The following PKHD1 variants were observed in gnomAD, a reference collection of about 807,000 sequenced individuals.
PKHD1 encodes PKHD1 ciliary IPT domain containing fibrocystin/polyductin, also known as fibrocystin.
In PKHD1, 291 loss-of-function variants were observed where a neutral mutation model predicts 412.0. That is an observed-to-expected ratio of 0.71 (90% CI 0.64 to 0.78). The LOEUF (loss-of-function observed/expected upper bound fraction) is 0.78, where lower values mean the gene tolerates loss of function less well. Ranked by LOEUF, PKHD1 falls within the 30% of genes least tolerant of loss-of-function variation. PKHD1 has a pLI of 0.00. For synonymous variants in PKHD1, 1,777 were observed against 1,821.5 expected (o/e 0.98, Z 0.62); for missense variants, 4,825 against 4,950.7 (o/e 0.97, Z 0.76).
intron 35 of PKHD1, among the ~76,000 whole-genome samples, chr6:51,978,073 A>G (rs1252674709): frequency 2.0e-5 from 3 of 152,286 alleles, no homozygotes; most frequent in East Asian, 1.9e-4. Flanking sequence ...AGAAAATCCC[A>G]TAAGAGAGAG....
chr6:51,717,555 G>C (rs1488900588), intron 60 of PKHD1, among the ~76,000 whole-genome samples: 3 of 152,174 alleles, frequency 2.0e-5, no homozygotes, highest in Non-Finnish European at 4.4e-5. Context: ...ATTCAGTACA[G>C]TAATATGCTG....
rs1414799722 is a variant in PKHD1 at position 52,085,029 on chromosome 6, CA to C, written c.-84-13del. On this transcript the variant is annotated splice_polypyrimidine_tract_variant and intron_variant, in intron 1 of 66. Transcript: ENST00000371117. Reference sequence around the variant, plus strand: ...GCATAGCTTTTGTGCTTTATAAAAACAAAAAAAGCAAAAAAAAATTATCATT... The same window carrying C: ...GCATAGCTTTTGTGCTTTATAAAAACAAAAAAGCAAAAAAAAATTATCATT... 8.6e-6 allele frequency: 7 copies of C among 815,666 alleles called. No individual in the cohort carries two copies. In the East Asian group the frequency reaches 9.8e-5, roughly 11 times the overall value. 50.5% of individuals were successfully genotyped at this position (815,666 alleles called of 1,614,324 possible).
intron 49 of PKHD1, 25 bp downstream of exon 49, chr6:51,855,868 C>A (rs1031903430): frequency 6.4e-7 from 1 of 1,564,570 alleles, no homozygotes; most frequent in Admixed American, 1.7e-5. Context: ...ATGCAGCATA[C>A]CAACTAATGG....
intron 4 of PKHD1, 69 bp from the exon 5 acceptor site, chr6:52,080,077 C>T (rs1032460631): frequency 3.3e-6 from 3 of 904,152 alleles, no homozygotes; most frequent in Admixed American, 3.4e-5. Flanking sequence ...AGCCCACTTG[C>T]CACTTCAAAT....
At chr6:51,791,452 T>C (rs1283728875) in intron 52 of PKHD1, 79 bp from the exon 53 acceptor site, 10 of 1,333,464 alleles carry the variant, frequency 7.5e-6, no homozygotes, top group African/African-American at 4.3e-5. Flanking sequence ...TCCCAGCAGT[T>C]TGGGAGCTGT....
At chr6:51,887,404 T>C (rs1778388649) in intron 43 of PKHD1, among the ~76,000 whole-genome samples, 159 bp from the exon 44 acceptor site, 1 of 152,246 alleles carries the variant, frequency 6.6e-6, no homozygotes. Flanking sequence ...TTTTTTCCTT[T>C]TGGGAACAAA....
At chr6:51,671,799 A>G (rs192086872) in intron 60 of PKHD1, among the ~76,000 whole-genome samples, 1 of 151,894 alleles carries the variant, frequency 6.6e-6, no homozygotes, top group Non-Finnish European at 1.5e-5. Context: ...CTGTTGGGGT[A>G]CCCGCCCGTG....
intron 54 of PKHD1, among the ~76,000 whole-genome samples, chr6:51,775,035 A>G (rs1790771246): frequency 6.7e-6 from 1 of 150,144 alleles, no homozygotes; most frequent in East Asian, 2.0e-4. Context: ...TAGCTATTGT[A>G]TTGTCACACA....
At chr6:51,628,210 C>T (rs1767516410) in intron 65 of PKHD1, among the ~76,000 whole-genome samples, 2 of 152,088 alleles carry the variant, frequency 1.3e-5, no homozygotes, top group Admixed American at 1.3e-4. Context: ...GGCAGTTTTT[C>T]AACCCTTACC....
intron 60 of PKHD1, among the ~76,000 whole-genome samples, chr6:51,714,332 T>C (rs2150779956): frequency 6.6e-6 from 1 of 151,844 alleles, no homozygotes; most frequent in Non-Finnish European, 1.5e-5. Context: ...ATCGTGCCAT[T>C]GCACTCTAGC....
intron 35 of PKHD1, among the ~76,000 whole-genome samples, chr6:51,981,282 G>C (rs1795109844): frequency 7.5e-6 from 1 of 133,008 alleles, no homozygotes; most frequent in Non-Finnish European, 1.6e-5. Context: ...GCGGTACAGA[G>C]CCCTTTTAGA....
rs1010267085 is a variant in PKHD1 at position 52,044,044 on chromosome 6, C to G, written c.2716-314G>C. 4.4e-4 allele frequency among the ~76,000 whole-genome samples: 67 copies of G among 152,316 alleles called. 1 individual carries two copies. Among genetic ancestry groups the G allele is most frequent in the African/African-American group, 1.6e-3 (65 of 41,578 alleles). On this transcript the variant is annotated intron_variant, in intron 25 of 66. Transcript: ENST00000371117. ...AACTGCATAAGGACTTCTTATCACT[C>G]TGTATTTCCAACCAGGTACCTACTT...
intron 37 of PKHD1, among the ~76,000 whole-genome samples, chr6:51,919,904 G>T (rs1240124490): frequency 6.6e-6 from 1 of 152,166 alleles, no homozygotes; most frequent in Non-Finnish European, 1.5e-5. Context: ...TTGTGAATGG[G>T]AGTTCACTCA....
chr6:51,836,856 G>T (rs1769322730), intron 50 of PKHD1, among the ~76,000 whole-genome samples: 1 of 152,132 alleles, frequency 6.6e-6, no homozygotes, highest in Non-Finnish European at 1.5e-5. Flanking sequence ...CACCAATAGA[G>T]TTCAGATCAT....
At chr6:51,998,717 G>T (rs1798002522) in intron 35 of PKHD1, among the ~76,000 whole-genome samples, 1 of 151,946 alleles carries the variant, frequency 6.6e-6, no homozygotes, top group Non-Finnish European at 1.5e-5. Flanking sequence ...ACCCTTCAGG[G>T]TAGTTTATTC....
At chr6:51,990,942 A>G (rs533396064) in intron 35 of PKHD1, among the ~76,000 whole-genome samples, 2 of 152,208 alleles carry the variant, frequency 1.3e-5, no homozygotes, top group Non-Finnish European at 2.9e-5. Flanking sequence ...AGCTAATACT[A>G]TCTACTCAGA....
intron 66 of PKHD1, among the ~76,000 whole-genome samples, chr6:51,624,604 G>A (rs1278928506): frequency 2.0e-5 from 3 of 152,180 alleles, no homozygotes; most frequent in African/African-American, 7.2e-5. Context: ...GCAGGGGCGG[G>A]TCTTTTTTTT....
chr6:51,812,051 C>T (rs1255947705), intron 52 of PKHD1, among the ~76,000 whole-genome samples: 1 of 152,086 alleles, frequency 6.6e-6, no homozygotes, highest in East Asian at 1.9e-4. Flanking sequence ...CATTCAGGTA[C>T]AAAGCAACAT....
intron 43 of PKHD1, among the ~76,000 whole-genome samples, chr6:51,902,907 A>T (rs1781500568): frequency 1.3e-5 from 2 of 152,214 alleles, no homozygotes; most frequent in African/African-American, 4.8e-5. Flanking sequence ...ATCCTCCTGG[A>T]ATCTGACATG....
Sources: gnomAD v4.1 joint callset for allele counts (sites outside exome capture counted in the v4.1 genomes callset) on GRCh38, gnomAD v4.1.1 for gene constraint, MANE v1.5 for transcripts, NCBI Gene and HGNC (gene_info 2026-07-23, HGNC 2026-07-21) for gene names.